LOC400499: variants seen among roughly 807,000 people sequenced by gnomAD.
the LOC400499 span, chr16:11,446,775 G>C: frequency 1.3e-6 from 2 of 1,536,054 alleles, no homozygotes; most frequent in Non-Finnish European, 1.7e-6. Flanking sequence ...GGCAGCCCAG[G>C]ACCATGGTCT....
the LOC400499 span, among the ~76,000 whole-genome samples, chr16:11,504,101 C>G: frequency 2.6e-5 from 4 of 152,202 alleles, no homozygotes; most frequent in Non-Finnish European, 5.9e-5. Context: ...ACAAGTGTTA[C>G]CCTGAGAATG....
At chr16:11,526,406 A>C in the LOC400499 span, among the ~76,000 whole-genome samples, 1 of 152,218 alleles carries the variant, frequency 6.6e-6, no homozygotes, top group East Asian at 1.9e-4. Context: ...TTTTTAAAGA[A>C]AGAAAACTTT....
chr16:11,378,279 G>GC, the LOC400499 span, among the ~76,000 whole-genome samples: 1 of 149,218 alleles, frequency 6.7e-6, no homozygotes, highest in Non-Finnish European at 1.5e-5. Context: ...CGGGGGGAGG[G>GC]GGGAGGTGGA....
chr16:11,478,823 T>G, the LOC400499 span: 1 of 397,402 alleles, frequency 2.5e-6, no homozygotes, highest in Non-Finnish European at 4.4e-6. Flanking sequence ...CTATGGGAGA[T>G]GACTGAATCA....
the LOC400499 span, chr16:11,516,438 T>A: frequency 2.5e-6 from 1 of 397,118 alleles, no homozygotes; most frequent in South Asian, 1.4e-4. Flanking sequence ...GAACCCCACA[T>A]CCCCCCACTA....
chr16:11,441,080 G>A, the LOC400499 span: 25 of 398,906 alleles, frequency 6.3e-5, no homozygotes, highest in East Asian at 8.9e-4. Context: ...TCTTAGCCTG[G>A]GTGTGTGAGA....
At chr16:11,486,958 T>C in the LOC400499 span, among the ~76,000 whole-genome samples, 33 of 4,108 alleles carry the variant, frequency 8.0e-3, no homozygotes, top group African/African-American at 0.028. Context: ...CAATGGATAA[T>C]GGGTGGGTGG....
the LOC400499 span, chr16:11,447,818 C>T: frequency 3.0e-6 from 4 of 1,342,554 alleles, no homozygotes; most frequent in South Asian, 5.0e-5. Context: ...TGGGCCCCAG[C>T]AGGTCAGCAG....
At chr16:11,400,564 C>A in the LOC400499 span, among the ~76,000 whole-genome samples, 1 of 152,144 alleles carries the variant, frequency 6.6e-6, no homozygotes, top group Non-Finnish European at 1.5e-5. Flanking sequence ...CCTCAGCCTC[C>A]CAAGCAGTTG....
At chr16:11,374,631 G>A in the LOC400499 span, among the ~76,000 whole-genome samples, 5 of 152,140 alleles carry the variant, frequency 3.3e-5, no homozygotes, top group African/African-American at 1.2e-4. Flanking sequence ...GTCCTCAAGG[G>A]TCATCCATGT....
the LOC400499 span, among the ~76,000 whole-genome samples, chr16:11,378,997 C>T: frequency 6.6e-6 from 1 of 152,206 alleles, no homozygotes; most frequent in African/African-American, 2.4e-5. Context: ...GGTGCAGTGG[C>T]TCAGGCCTGT....
the LOC400499 span, among the ~76,000 whole-genome samples, chr16:11,383,119 G>A: frequency 2.0e-4 from 30 of 151,738 alleles, no homozygotes; most frequent in Admixed American, 1.1e-3. Context: ...AGGCTAGAGT[G>A]CAGTGGTGCA....
chr16:11,489,736 T>C, the LOC400499 span, among the ~76,000 whole-genome samples: 1 of 152,196 alleles, frequency 6.6e-6, no homozygotes, highest in Non-Finnish European at 1.5e-5. Context: ...TTAGCACACA[T>C]CACACCCCAT....
At chr16:11,460,375 T>G in the LOC400499 span, 1 of 1,327,894 alleles carries the variant, frequency 7.5e-7, no homozygotes, top group Admixed American at 2.9e-5. Context: ...TATGTGATTG[T>G]GAGCAAGTCC....
chr16:11,469,162 G>A, the LOC400499 span: 1 of 399,632 alleles, frequency 2.5e-6, no homozygotes, highest in Non-Finnish European at 4.4e-6. Context: ...TGGGCCTAGG[G>A]TGTGGAGCAA....
chr16:11,442,218 A>G, the LOC400499 span: 1 of 152,102 alleles, frequency 6.6e-6, no homozygotes, highest in Non-Finnish European at 1.5e-5. Flanking sequence ...ATTTTATTCT[A>G]TTTTATATTT....
the LOC400499 span, among the ~76,000 whole-genome samples, chr16:11,505,263 A>G: frequency 6.6e-6 from 1 of 152,084 alleles, no homozygotes; most frequent in African/African-American, 2.4e-5. Flanking sequence ...AGACCTGGGA[A>G]GAAATGCACC....
chr16:11,452,201 G>GTTTTTTTTTTTTTTTT, the LOC400499 span, among the ~76,000 whole-genome samples: 1 of 77,198 alleles, frequency 1.3e-5, no homozygotes. Context: ...CAGTTTTTTT[G>GTTTTTTTTTTTTTTTT]TTTGTTTTTT....
the LOC400499 span, among the ~76,000 whole-genome samples, chr16:11,403,618 G>A: frequency 7.2e-5 from 11 of 152,188 alleles, no homozygotes; most frequent in Non-Finnish European, 1.0e-4. Flanking sequence ...CTGGTAAGCC[G>A]TGCCTCCAGG....
Sources: gnomAD v4.1 joint callset for allele counts (sites outside exome capture counted in the v4.1 genomes callset) on GRCh38, gnomAD v4.1.1 for gene constraint, MANE v1.5 for transcripts.